The following PHACTR2 variants were observed in gnomAD, a reference collection of about 807,000 sequenced individuals.
PHACTR2 encodes the protein phosphatase and actin regulator 2.
Under a neutral mutation model 76.0 loss-of-function variants are expected in PHACTR2, and 30 were observed. The observed-to-expected ratio is 0.39, with a 90% confidence interval of 0.30 to 0.54. The LOEUF (loss-of-function observed/expected upper bound fraction) is 0.54. Ranked by LOEUF, PHACTR2 falls within the 20% of genes least tolerant of loss-of-function variation. The pLI, the probability that PHACTR2 is intolerant of heterozygous loss-of-function variation, is 0.61. For missense variants in PHACTR2, 696 were observed against 781.1 expected, an observed-to-expected ratio of 0.89 and a Z score of 1.30; for synonymous variants, 292 against 292.5, an observed-to-expected ratio of 1.00 and a Z score of 0.02.
At chr6:143,594,613 G>C (rs568183331) in intron 1 of PHACTR2, among the ~76,000 whole-genome samples, 5 of 152,240 alleles carry the variant, frequency 3.3e-5, no homozygotes, top group African/African-American at 1.2e-4. Context: ...ATGAAAACTG[G>C]GTATTGCTGC....
intron 2 of PHACTR2, among the ~76,000 whole-genome samples, chr6:143,735,070 T>C (rs1380062158): frequency 6.6e-6 from 1 of 152,216 alleles, no homozygotes; most frequent in African/African-American, 2.4e-5. Flanking sequence ...TCACTTAGAA[T>C]ATAAGATGCA....
rs1039869154 is a variant in PHACTR2, at chr6:143,822,375, A to G, written c.1923-1299A>G. 2.0e-5 allele frequency among the ~76,000 whole-genome samples: 3 copies of G among 152,124 alleles called. No homozygotes were observed. Among genetic ancestry groups the G allele is most frequent in the African/African-American group, 4.8e-5 (2 of 41,430 alleles). On this transcript the variant is annotated intron_variant, in intron 12 of 12. Coordinates refer to ENST00000440869, the MANE Select transcript of PHACTR2 (RefSeq NM_001100164.2). This position sits in a 1 kb window ranked among gnomAD's most constrained non-coding sequence, Gnocchi z 5.5. The stretch of plus-strand genomic sequence containing the variant: ...GGGGAACAATACGATCCTTTTGAGA[A>G]AGAACTGGGTTGGGCGCAGTGGCTC...
chr6:143,771,539 C>T (rs573132973), intron 6 of PHACTR2, among the ~76,000 whole-genome samples: 9 of 151,738 alleles, frequency 5.9e-5, no homozygotes, highest in Admixed American at 2.0e-4. Context: ...CGGGTTCAAG[C>T]GATTCTCCTG....
Position 143,750,492 on chromosome 6 carries a change from T to C in PHACTR2, c.295+1427T>C, listed in dbSNP as rs1779158425. Among the ~76,000 whole-genome samples the C allele has an allele frequency of 1.3e-5, 2 of 152,168 alleles. No individual in the cohort carries two copies. Among genetic ancestry groups the C allele is most frequent in the South Asian group, 4.1e-4 (2 of 4,832 alleles). On this transcript the variant is annotated intron_variant, in intron 3 of 12. Transcript: ENST00000440869. The surrounding 1 kb of genome is among the most constrained non-coding windows in gnomAD (Gnocchi z 4.6). ...GATGGGCCAATGCATTTATTAGACATCGTTTATTTAGAAATATTTTAAAGA... is the reference window on the plus strand; with the variant it reads ...GATGGGCCAATGCATTTATTAGACACCGTTTATTTAGAAATATTTTAAAGA...
intron 1 of PHACTR2, among the ~76,000 whole-genome samples, chr6:143,694,521 C>T (rs1477458385): frequency 1.3e-5 from 2 of 152,126 alleles, no homozygotes; most frequent in South Asian, 4.1e-4. Flanking sequence ...ATGTTTTGTT[C>T]TCAAATGTCA....
At position 143,616,888 on chromosome 6, in the gene PHACTR2, C is replaced by T. The variant is rs144556798; in HGVS notation, c.13+8566C>T. On this transcript the variant is annotated intron_variant, in intron 1 of 11. Transcript: ENST00000305766. The surrounding 1 kb of genome is among the most constrained non-coding windows in gnomAD (Gnocchi z 4.9). The stretch of plus-strand genomic sequence containing the variant: ...GGTAAAAATGTGTCAAGCTGAGTGG[C>T]CGGCAAACACACACGCCCCCAGACA... Among the ~76,000 whole-genome samples the T allele has an allele frequency of 6.6e-6, 1 of 152,140 alleles. No homozygotes were observed. The highest frequency in any genetic ancestry group is 2.4e-5 in the African/African-American group (1 of 41,530).
In PHACTR2 at chr6:143,562,664, A is replaced by G. The variant is rs1162447752; in HGVS notation, c.217+25457A>G. ...CTTAAAATTTATGTATATACAATTCATGCCACAGACTCTCATTGTGAAAGA... is the reference window on the plus strand; with the variant it reads ...CTTAAAATTTATGTATATACAATTCGTGCCACAGACTCTCATTGTGAAAGA... On this transcript the variant is annotated intron_variant, in intron 1 of 11. Coordinates refer to the PHACTR2 transcript ENST00000367584. This position sits in a 1 kb window ranked among gnomAD's most constrained non-coding sequence, Gnocchi z 5.1. Among the ~76,000 whole-genome samples, 1 of 152,232 alleles carries G rather than the reference A, an allele frequency of 6.6e-6. No individual in the cohort carries two copies. Among genetic ancestry groups the G allele is most frequent in the African/African-American group, 2.4e-5 (1 of 41,462 alleles).
rs1373888420 is a variant in PHACTR2 at position 143,811,799 on chromosome 6, A to G, written c.1922+4666A>G. On this transcript the variant is annotated intron_variant, in intron 12 of 12. Coordinates refer to ENST00000440869, the MANE Select transcript of PHACTR2 (RefSeq NM_001100164.2). This position sits in a 1 kb window ranked among gnomAD's most constrained non-coding sequence, Gnocchi z 4.1. Reference sequence around the variant, plus strand: ...TTTTCAGTAATTCTTTTAAGGGGAAAAAGTTCTGGTAATCACTACTCTTTC... The same window carrying G: ...TTTTCAGTAATTCTTTTAAGGGGAAGAAGTTCTGGTAATCACTACTCTTTC... Among the ~76,000 whole-genome samples, 1 of 152,246 alleles carries G rather than the reference A, an allele frequency of 6.6e-6. No individual in the cohort carries two copies. The highest frequency in any genetic ancestry group is 1.5e-5 in the Non-Finnish European group (1 of 68,046).
At chr6:143,693,226 TTTTTGTTTTTG>T (rs1480406283) in intron 1 of PHACTR2, among the ~76,000 whole-genome samples, 2 of 151,756 alleles carry the variant, frequency 1.3e-5, no homozygotes, top group Non-Finnish European at 2.9e-5. Flanking sequence ...TAGTGTCCTT[TTTTTGTTTTTG>T]TTTTGTTTTT....
intron 2 of PHACTR2, among the ~76,000 whole-genome samples, chr6:143,736,241 C>G (rs1232695804): frequency 6.6e-6 from 1 of 152,086 alleles, no homozygotes; most frequent in Non-Finnish European, 1.5e-5. Context: ...TCTCAGTTAC[C>G]CTATGATGCA....
rs1282591230 is a variant in PHACTR2 at position 143,742,354 on chromosome 6, G to A, written c.215-6631G>A. The stretch of plus-strand genomic sequence containing the variant: ...GTTGGCTTTTGTTGTTGTTGTGGTT[G>A]TTAACTTCAGTTCTCCTCTTGCGGA... On this transcript the variant is annotated intron_variant, in intron 2 of 12. Coordinates refer to ENST00000440869, the MANE Select transcript of PHACTR2 (RefSeq NM_001100164.2). This position sits in a 1 kb window ranked among gnomAD's most constrained non-coding sequence, Gnocchi z 4.5. Among the ~76,000 whole-genome samples, 1 of 152,128 alleles carries A rather than the reference G, an allele frequency of 6.6e-6. No individual in the cohort carries two copies. Among genetic ancestry groups the A allele is most frequent in the African/African-American group, 2.4e-5 (1 of 41,424 alleles).
rs1778893853 is a variant in PHACTR2 at position 143,739,433 on chromosome 6, G to A, written c.215-9552G>A. On this transcript the variant is annotated intron_variant, in intron 2 of 12. Coordinates refer to ENST00000440869, the MANE Select transcript of PHACTR2 (RefSeq NM_001100164.2). The surrounding 1 kb of genome is among the most constrained non-coding windows in gnomAD (Gnocchi z 4.3). ...ACGAGATTAGAGTGTAATTTCTCTA[G>A]GGATGATTATCATTATTCGTATTTC... 6.6e-6 allele frequency among the ~76,000 whole-genome samples: 1 copy of A among 152,150 alleles called. No individual in the cohort carries two copies. Among genetic ancestry groups the A allele is most frequent in the Admixed American group, 6.5e-5 (1 of 15,282 alleles).
chr6:143,716,095 G>T lies in PHACTR2; in HGVS notation c.214+3912G>T, dbSNP rs140544622. ...CTAGCTGGTGAGGCTGACAGGGGAG[G>T]TTTGGGATGTCACAGGCTGTCAGGA... On this transcript the variant is annotated intron_variant, in intron 2 of 12. Transcript: ENST00000440869. Among the ~76,000 whole-genome samples, 241 of 152,268 alleles carry T rather than the reference G, an allele frequency of 1.6e-3. 2 individuals are homozygous for T. Among genetic ancestry groups the T allele is most frequent in the Middle Eastern group, 6.8e-3 (2 of 294 alleles).
chr6:143,662,011 CTTAA>C lies in PHACTR2; in HGVS notation c.14-50002_14-49999del, dbSNP rs373533184. Reference sequence around the variant, plus strand: ...CCAAGCACATTTTGTATATGTACTTCTTAATTGTGTGATTACATGATTTCTCCCT... The same window carrying C: ...CCAAGCACATTTTGTATATGTACTTCTTGTGTGATTACATGATTTCTCCCT... On this transcript the variant is annotated intron_variant, in intron 1 of 11. Coordinates refer to the PHACTR2 transcript ENST00000305766. This position sits in a 1 kb window ranked among gnomAD's most constrained non-coding sequence, Gnocchi z 4.7. Among the ~76,000 whole-genome samples, 1 of 152,244 alleles carries C rather than the reference CTTAA, an allele frequency of 6.6e-6. No individual in the cohort carries two copies. Among genetic ancestry groups the C allele is most frequent in the Non-Finnish European group, 1.5e-5 (1 of 68,026 alleles).
rs1192833125 is a variant in PHACTR2, at chr6:143,671,402, C to G, written c.14-40614C>G. ...GTCTTTCTTCTTGGAACACCTCTCCCCCAGATAGCCATATGGTTAACTCCA... is the reference window on the plus strand; with the variant it reads ...GTCTTTCTTCTTGGAACACCTCTCCGCCAGATAGCCATATGGTTAACTCCA... On this transcript the variant is annotated intron_variant, in intron 1 of 11. Coordinates refer to the PHACTR2 transcript ENST00000305766. The surrounding 1 kb of genome is among the most constrained non-coding windows in gnomAD (Gnocchi z 4.6). 6.6e-6 allele frequency among the ~76,000 whole-genome samples: 1 copy of G among 152,174 alleles called. No individual in the cohort carries two copies. Among genetic ancestry groups the G allele is most frequent in the African/African-American group, 2.4e-5 (1 of 41,446 alleles).
chr6:143,620,949 A>G (rs575907632), intron 1 of PHACTR2, among the ~76,000 whole-genome samples: 1 of 152,332 alleles, frequency 6.6e-6, no homozygotes, highest in South Asian at 2.1e-4. Context: ...AGGATATGCA[A>G]CCAGGTGATC....
intron 6 of PHACTR2, among the ~76,000 whole-genome samples, chr6:143,770,507 T>A (rs920966194): frequency 1.3e-5 from 2 of 152,208 alleles, no homozygotes; most frequent in African/African-American, 2.4e-5. Flanking sequence ...AAATTTTATG[T>A]TATGTATATT....
rs867379412 is a variant in PHACTR2, at chr6:143,733,263, A to G, written c.215-15722A>G. 6.6e-6 allele frequency among the ~76,000 whole-genome samples: 1 copy of G among 152,118 alleles called. No homozygotes were observed. The highest frequency in any genetic ancestry group is 1.5e-5 in the Non-Finnish European group (1 of 68,030). ...TAGCACATTTTACCGTCTAACATCT[A>G]TAAATTATTTCTATTGTTTGTTATC... On this transcript the variant is annotated intron_variant, in intron 2 of 12. Coordinates refer to ENST00000440869, the MANE Select transcript of PHACTR2 (RefSeq NM_001100164.2). This position sits in a 1 kb window ranked among gnomAD's most constrained non-coding sequence, Gnocchi z 4.0.
chr6:143,604,005 C>G (rs1282194453), upstream of PHACTR2, among the ~76,000 whole-genome samples: 1 of 149,578 alleles, frequency 6.7e-6, no homozygotes, highest in Non-Finnish European at 1.5e-5. Context: ...AACTGAGGCT[C>G]GAGAATCACT....
Sources: allele counts gnomAD v4.1 joint callset (sites outside exome capture counted in the v4.1 genomes callset), GRCh38; gene constraint gnomAD v4.1.1; non-coding constraint Gnocchi (gnomAD v3.1); transcripts MANE v1.5; gene names NCBI Gene and HGNC (gene_info 2026-07-23, HGNC 2026-07-21).